The following FLT3 variants were observed in gnomAD, a reference collection of about 807,000 sequenced individuals.
FLT3 encodes receptor-type tyrosine-protein kinase FLT3.
Under a neutral mutation model 126.6 loss-of-function variants are expected in FLT3, and 46 were observed. The observed-to-expected ratio is 0.36, with a 90% CI of 0.29 to 0.46. The LOEUF is 0.46. Ranked by LOEUF, FLT3 falls within the 20% of genes least tolerant of loss-of-function variation. The probability of loss-of-function intolerance (pLI) is 1.00; values close to 1 mark genes in which losing one functional copy is unlikely to be tolerated. For missense variants in FLT3, 1,069 were observed against 1,190.3 expected, an observed-to-expected ratio of 0.90 and a Z score of 1.50; for synonymous variants, 404 against 434.4, an observed-to-expected ratio of 0.93 and a Z score of 0.87.
At chr13:28,033,576 G>A (rs1204345937) in intron 15 of FLT3, among the ~76,000 whole-genome samples, 1 of 152,156 alleles carries the variant, frequency 6.6e-6, no homozygotes, top group African/African-American at 2.4e-5. Context: ...AGCCCAGGGG[G>A]TGGAGGCTGC....
At chr13:28,025,082 A>AT (rs1481787490) in intron 17 of FLT3, 139 bp from the exon 18 acceptor site, 8 of 629,556 alleles carry the variant, frequency 1.3e-5, no homozygotes, top group South Asian at 1.0e-4. Context: ...CCATTTGTCC[A>AT]TTTTTTGTGT....
At chr13:28,041,771 C>A (rs940786553) in intron 9 of FLT3, among the ~76,000 whole-genome samples, 2 of 152,012 alleles carry the variant, frequency 1.3e-5, no homozygotes, top group Admixed American at 1.3e-4. Context: ...AATGGCCAGC[C>A]GGCAGGAGAC....
intron 23 of FLT3, among the ~76,000 whole-genome samples, chr13:28,012,291 G>A (rs1040209501): frequency 4.6e-5 from 7 of 152,086 alleles, no homozygotes; most frequent in African/African-American, 1.4e-4. Context: ...CCTGATACCT[G>A]ACAGGCCCCC....
At chr13:28,046,811 G>T (rs1874926449) in intron 9 of FLT3, among the ~76,000 whole-genome samples, 1 of 151,896 alleles carries the variant, frequency 6.6e-6, no homozygotes, top group Non-Finnish European at 1.5e-5. Context: ...ATCCAGGCTG[G>T]TCTCAAACTC....
chr13:28,012,465 C>A (rs974170271), intron 23 of FLT3, among the ~76,000 whole-genome samples: 1 of 152,130 alleles, frequency 6.6e-6, no homozygotes, highest in Non-Finnish European at 1.5e-5. Flanking sequence ...TTAGGCACAG[C>A]CATCTACTTG....
rs939485155 is a variant in FLT3, at chr13:28,100,264, G to A, written c.43+204C>T. Among the ~76,000 whole-genome samples, 5 of 152,136 alleles carry A rather than the reference G, an allele frequency of 3.3e-5. No homozygotes were observed. The highest frequency in any genetic ancestry group is 7.4e-5 in the Non-Finnish European group (5 of 68,016). ...CTTCGGAGAAGAGGGAAGAGGACGC[G>A]GGGTGGGAAACGCCGGGGCCGCAGG... On this transcript the variant is annotated intron_variant, in intron 1 of 23. Transcript: ENST00000241453. This position sits in a 1 kb window ranked among gnomAD's most constrained non-coding sequence, Gnocchi z 4.8.
At chr13:28,080,733 A>C (rs911088596) in intron 1 of FLT3, among the ~76,000 whole-genome samples, 1 of 152,178 alleles carries the variant, frequency 6.6e-6, no homozygotes, top group African/African-American at 2.4e-5. Flanking sequence ...ACCTAATCTT[A>C]AATCAGAAAG....
chr13:28,091,252 C>CT (rs1193321034), intron 1 of FLT3, among the ~76,000 whole-genome samples: 2 of 100,164 alleles, frequency 2.0e-5, no homozygotes, highest in East Asian at 6.5e-4. Context: ...GACGGAGTCT[C>CT]GCTCTGTCGC....
chr13:28,046,438 C>G (rs1220030078), intron 9 of FLT3, among the ~76,000 whole-genome samples: 1 of 152,156 alleles, frequency 6.6e-6, no homozygotes, highest in Non-Finnish European at 1.5e-5. Flanking sequence ...GAATGTGAGT[C>G]ACAACTTCAA....
At position 28,065,814 on chromosome 13, in the gene FLT3, C is replaced by T. The variant is rs9554230; in HGVS notation, c.166-3745G>A. On this transcript the variant is annotated intron_variant, in intron 2 of 23. Coordinates refer to ENST00000241453, the MANE Select transcript of FLT3 (RefSeq NM_004119.3). Reference sequence around the variant, plus strand: ...CTGCACTCCAGCCTGGACAACGGAGCGAGATCTTGTCTCAAAGTAATAATA... The same window carrying T: ...CTGCACTCCAGCCTGGACAACGGAGTGAGATCTTGTCTCAAAGTAATAATA... Among the ~76,000 whole-genome samples the T allele has an allele frequency of 3.3e-3, 467 of 143,454 alleles. No homozygotes were observed. In the East Asian group the frequency reaches 0.073, roughly 23 times the overall value. The allele number at this position is 143,454 out of a possible 152,430, so 94.1% of individuals were successfully genotyped here. A position where few individuals can be genotyped will look rare whatever the true frequency, so the allele number is the denominator to read the frequency against.
At chr13:28,025,279 C>T in intron 17 of FLT3, 1 of 400,226 alleles carries the variant, frequency 2.5e-6, no homozygotes, top group South Asian at 2.1e-5. Context: ...GGAACCAGGA[C>T]TCACATCGAT....
intron 3 of FLT3, among the ~76,000 whole-genome samples, chr13:28,059,413 A>G (rs1411707482): frequency 1.3e-5 from 2 of 152,196 alleles, no homozygotes; most frequent in East Asian, 3.9e-4. Flanking sequence ...CGGCAAGAGG[A>G]CAAGGACAGC....
intron 23 of FLT3, among the ~76,000 whole-genome samples, 182 bp downstream of exon 23, chr13:28,014,270 C>CAATA (rs201189605): frequency 0.02 from 3,007 of 151,932 alleles, 102 homozygotes; most frequent in African/African-American, 0.066. Context: ...GACCCTGTCT[C>CAATA]AATAAATAAA....
intron 21 of FLT3, 123 bp from the exon 22 acceptor site, chr13:28,015,379 C>A: frequency 7.7e-6 from 6 of 783,268 alleles, no homozygotes; most frequent in Non-Finnish European, 1.1e-5. Flanking sequence ...ACACGGGCTG[C>A]GGCTGGGAAA....
chr13:28,015,371 A>T, intron 21 of FLT3, 115 bp from the exon 22 acceptor site: 1 of 816,550 alleles, frequency 1.2e-6, no homozygotes, highest in Non-Finnish European at 2.1e-6. Flanking sequence ...TTGCAGGCAC[A>T]CGGGCTGCGG....
At chr13:28,084,868 G>C (rs1028922397) in intron 1 of FLT3, among the ~76,000 whole-genome samples, 3 of 151,540 alleles carry the variant, frequency 2.0e-5, no homozygotes, top group Non-Finnish European at 4.4e-5. Flanking sequence ...CCAGCTACTC[G>C]GGAGGCTGAG....
rs181459662 is a variant in FLT3 at position 28,006,197 on chromosome 13, T to C, written c.2860-2023A>G. On this transcript the variant is annotated intron_variant, in intron 23 of 23. Transcript: ENST00000241453. ...ATTCTATTTAAATTTTATAGATTTG[T>C]TCCGTTCCCACAGCCCTTGTTACTG... 1.2e-4 allele frequency among the ~76,000 whole-genome samples: 19 copies of C among 152,326 alleles called. 1 individual carries two copies. The East Asian group carries it at 3.1e-3, about 25-fold the overall frequency.
intron 11 of FLT3, 63 bp from the exon 12 acceptor site, chr13:28,035,736 T>A: frequency 6.6e-7 from 1 of 1,516,276 alleles, no homozygotes; most frequent in Non-Finnish European, 9.0e-7. Context: ...AAGTTAGGAT[T>A]TCTGCAGCGA....
chr13:28,036,965 G>A (rs1242598439), intron 10 of FLT3, among the ~76,000 whole-genome samples: 2 of 152,150 alleles, frequency 1.3e-5, no homozygotes, highest in African/African-American at 4.8e-5. Flanking sequence ...GGTAGAGTGA[G>A]ACCTGGTCTT....
Sources: allele counts gnomAD v4.1 joint callset (sites outside exome capture counted in the v4.1 genomes callset), GRCh38; gene constraint gnomAD v4.1.1; non-coding constraint Gnocchi (gnomAD v3.1); transcripts MANE v1.5; gene names NCBI Gene and HGNC (gene_info 2026-07-23, HGNC 2026-07-21).